Variants in DNAH1 observed in about 807,000 individuals in gnomAD.
The protein encoded by DNAH1 is axonemal beta dynein heavy chain 1.
In DNAH1, 327 loss-of-function variants were observed where a neutral mutation model predicts 484.3. The observed-to-expected ratio is 0.68, with a 90% CI of 0.62 to 0.74. DNAH1 has a LOEUF of 0.74. DNAH1 is among the 30% of genes least tolerant of loss of function. The probability of loss-of-function intolerance (pLI) is 0.00; values close to 1 mark genes in which losing one functional copy is unlikely to be tolerated. For synonymous variants in DNAH1, 2,192 were observed against 2,191.9 expected, an observed-to-expected ratio of 1.00 and a Z score of 0.00; for missense variants, 5,052 against 5,546.8, an observed-to-expected ratio of 0.91 and a Z score of 2.83.
rs1303873402 is a variant in DNAH1, at chr3:52,362,957, G to T, written c.5095-38G>T. ...GAAGCTGGGGGTGCTCTGGGGGTGA[G>T]CTCTGTTTGCTGTTCACATGTGCAC... On this transcript the variant is annotated intron_variant, in intron 31 of 77. Transcript: ENST00000420323. The surrounding 1 kb of genome is among the most constrained non-coding windows in gnomAD (Gnocchi z 5.1). The T allele has an allele frequency of 1.9e-6, 3 of 1,611,820 alleles. No homozygotes were observed. Among genetic ancestry groups the T allele is most frequent in the South Asian group, 2.2e-5 (2 of 91,048 alleles).
At chr3:52,336,375 AC>A (rs1289869395) in intron 8 of DNAH1, among the ~76,000 whole-genome samples, 3 of 151,864 alleles carry the variant, frequency 2.0e-5, no homozygotes, top group Non-Finnish European at 4.4e-5. Flanking sequence ...ACATGGTGAA[AC>A]CCCATCTCTA....
At chr3:52,316,729 G>GTTCCAGACACTTAGGTCCAA (rs1700964130) in intron 1 of DNAH1, among the ~76,000 whole-genome samples, 184 bp downstream of exon 1, 3 of 152,030 alleles carry the variant, frequency 2.0e-5, no homozygotes, top group Non-Finnish European at 4.4e-5. Flanking sequence ...ATAGGGTCCA[G>GTTCCAGACACTTAGGTCCAA]TTCAGTTCCA....
chr3:52,348,809 G>T, intron 12 of DNAH1, 79 bp from the exon 13 acceptor site: 1 of 1,510,192 alleles, frequency 6.6e-7, no homozygotes, highest in South Asian at 1.2e-5. Context: ...TGCTCCTCGG[G>T]AGGACTCCCC....
chr3:52,398,774 G>A, intron 75 of DNAH1, 76 bp from the exon 76 acceptor site: 1 of 1,268,258 alleles, frequency 7.9e-7, no homozygotes, highest in African/African-American at 1.5e-5. Context: ...TTCACTCTGT[G>A]GCCTTGAGCT....
chr3:52,371,180 G>T (rs1347311738), intron 41 of DNAH1, among the ~76,000 whole-genome samples: 1 of 152,178 alleles, frequency 6.6e-6, no homozygotes, highest in African/African-American at 2.4e-5. Flanking sequence ...CTGGGCTCCC[G>T]AGGGCTGGGG....
In DNAH1 at chr3:52,316,321, G is replaced by A. The variant is rs887441663; in HGVS notation, c.-259G>A. The A allele has an allele frequency of 2.0e-5, 3 of 152,324 alleles. No homozygotes were observed. Among genetic ancestry groups the A allele is most frequent in the South Asian group, 4.1e-4 (2 of 4,834 alleles). The allele number at this position is 152,324 out of a possible 1,614,324, so 9.4% of individuals were successfully genotyped here. A position where few individuals can be genotyped will look rare whatever the true frequency, so the allele number is the denominator to read the frequency against. ...GCAGGTGCCTCTCTACAGGCCAAGGGGGGTACCCAACCTATACGCAGACCC... is the reference window on the plus strand; with the variant it reads ...GCAGGTGCCTCTCTACAGGCCAAGGAGGGTACCCAACCTATACGCAGACCC... On this transcript the variant is annotated 5_prime_UTR_variant, in exon 1 of 78. Transcript: ENST00000420323.
chr3:52,393,345 A>C lies in DNAH1; in HGVS notation c.10486A>C (p.Lys3496Gln). Residue 3496 changes from lysine (K) to glutamine (Q), a missense_variant, in exon 66 of 78, where the codon AAG becomes CAG. Coordinates refer to ENST00000420323, the MANE Select transcript of DNAH1 (RefSeq NM_015512.5). ...ANSERADNLK[K>Q]RISNINRYLT... ...TCTCCACTCCACAGACAACCTGAAG[A>C]AGCGCATCTCCAACATCAACCGCTA... 1 of 1,613,914 alleles carries C rather than the reference A, an allele frequency of 6.2e-7. No individual in the cohort carries two copies. Among genetic ancestry groups the C allele is most frequent in the Non-Finnish European group, 8.5e-7 (1 of 1,179,856 alleles).
At chr3:52,322,234 C>A (rs1309640780) in intron 1 of DNAH1, among the ~76,000 whole-genome samples, 175 bp from the exon 2 acceptor site, 4 of 151,968 alleles carry the variant, frequency 2.6e-5, no homozygotes, top group Non-Finnish European at 5.9e-5. Flanking sequence ...TGGTGGGACT[C>A]GGGGTACTGT....
In DNAH1 at chr3:52,370,531, C is replaced by T. The variant is rs780811972; in HGVS notation, c.6313C>T (p.Pro2105Ser). The T allele has an allele frequency of 1.9e-5, 31 of 1,614,002 alleles. No individual in the cohort carries two copies. The Admixed American group carries it at 5.2e-4, about 27-fold the overall frequency. ...KLSRIVELIE[P>S]WFIFSLIWSV... ...GAGTCGCATCGTAGAGTTGATCGAG[C>T]CCTGGTTCATCTTCTCCCTGATCTG... The change falls in exon 40 of 78, where the codon CCC (proline) becomes TCC (serine). Residue 2105 changes from proline to serine, a missense_variant. Transcript: ENST00000420323.
At position 52,349,385 on chromosome 3, in the gene DNAH1, A is replaced by G; in HGVS notation, c.2491A>G (p.Ile831Val). Reference protein sequence around the residue: ...RKALATSVLDILAKNLHKEVD... With the variant: ...RKALATSVLDVLAKNLHKEVD... ...GGCCCTGGCCACTTCCGTGCTGGAC[A>G]TCCTTGCCAAGAACCTGCATAAGGA... The change falls in exon 14 of 78, where the codon ATC becomes GTC. Residue 831 changes from isoleucine (I) to valine (V), a missense_variant. This residue lies in a region of DNAH1 where 1,263 missense variants were observed against 1,218.8 expected (regional missense o/e 1.04). Transcript: ENST00000420323. The G allele has an allele frequency of 6.2e-7, 1 of 1,613,954 alleles. No homozygotes were observed. The highest frequency in any genetic ancestry group is 8.5e-7 in the Non-Finnish European group (1 of 1,179,884).
Position 52,361,951 on chromosome 3 carries a change from G to T in DNAH1, c.4980+185G>T, listed in dbSNP as rs1317857575. Among the ~76,000 whole-genome samples, 3 of 152,212 alleles carry T rather than the reference G, an allele frequency of 2.0e-5. No homozygotes were observed. The highest frequency in any genetic ancestry group is 2.9e-5 in the Non-Finnish European group (2 of 68,040). On this transcript the variant is annotated intron_variant, in intron 30 of 77. Coordinates refer to ENST00000420323, the MANE Select transcript of DNAH1 (RefSeq NM_015512.5). The surrounding 1 kb of genome is among the most constrained non-coding windows in gnomAD (Gnocchi z 5.6). Reference sequence around the variant, plus strand: ...CAGGCCAAGCTGCGGGGGATGAAGGGGTCCCCTCCTCATTACATCCTGACC... The same window carrying T: ...CAGGCCAAGCTGCGGGGGATGAAGGTGTCCCCTCCTCATTACATCCTGACC...
rs1703955740 is a variant in DNAH1, at chr3:52,383,551, A to G, written c.8107A>G (p.Thr2703Ala). 6.2e-7 allele frequency: 1 copy of G among 1,610,640 alleles called. No homozygotes were observed. The highest frequency in any genetic ancestry group is 1.7e-5 in the Admixed American group (1 of 59,528). ...PTKANLMAAY[T>A]GRVRSNIHMV... ...CAAGGCCAACCTCATGGCTGCTTAC[A>G]CAGGGCGTGTGCGCAGCAACATCCA... The change falls in exon 51 of 78, where the codon ACA becomes GCA. Residue 2703 changes from threonine (T) to alanine (A), a missense_variant. Physicochemically the swap from Thr to Ala is moderately conservative, Grantham distance 58 (BLOSUM62 0). This residue lies in a region of DNAH1 where 2,929 missense variants were observed against 3,409.4 expected (regional missense o/e 0.86). Coordinates refer to ENST00000420323, the MANE Select transcript of DNAH1 (RefSeq NM_015512.5).
At chr3:52,348,039 C>A in intron 12 of DNAH1, 65 bp downstream of exon 12, 1 of 1,509,582 alleles carries the variant, frequency 6.6e-7, no homozygotes, top group Non-Finnish European at 8.9e-7. Context: ...GCTCCCTGAG[C>A]TCAGGGTGCT....
Position 52,345,578 on chromosome 3 carries a change from A to G in DNAH1, c.1528A>G (p.Ile510Val), listed in dbSNP as rs1425420501. Residue 510 changes from isoleucine to valine, a missense_variant, in exon 10 of 78, where the codon ATC (isoleucine) becomes GTC (valine). Around this residue, in one of 4 missense-constraint regions of DNAH1, gnomAD observed 1,263 missense variants for 1,218.8 expected, o/e 1.04. Transcript: ENST00000420323. ...GTCCCTGCTCACACGGCCAGAGGTCATCACGGCCCTCAGCAAGGTGAGGGC... is the reference window on the plus strand; with the variant it reads ...GTCCCTGCTCACACGGCCAGAGGTCGTCACGGCCCTCAGCAAGGTGAGGGC... ...FVSLLTRPEVITALSKVRAEC... is the reference protein window; with the variant it reads ...FVSLLTRPEVVTALSKVRAEC... The G allele has an allele frequency of 5.6e-6, 9 of 1,601,712 alleles. No homozygotes were observed. The highest frequency in any genetic ancestry group is 7.7e-6 in the Non-Finnish European group (9 of 1,173,972).
intron 6 of DNAH1, 125 bp from the exon 7 acceptor site, chr3:52,331,012 GAGGGGGGCATC>G: frequency 1.8e-5 from 20 of 1,125,360 alleles, no homozygotes; most frequent in Non-Finnish European, 2.5e-5. Flanking sequence ...TGCTGGAGCA[GAGGGGGGCATC>G]CCAGCGGGAG....
In DNAH1 at chr3:52,362,873, C is replaced by T; in HGVS notation, c.5095-122C>T. On this transcript the variant is annotated intron_variant, in intron 31 of 77. Coordinates refer to ENST00000420323, the MANE Select transcript of DNAH1 (RefSeq NM_015512.5). This position sits in a 1 kb window ranked among gnomAD's most constrained non-coding sequence, Gnocchi z 5.1. ...ACCAGTCTCAGGGGAGTGAAAGCCT[C>T]AGCTGTGGCAGGCTTGGTGCAGCAG... The T allele has an allele frequency of 7.2e-7, 1 of 1,382,166 alleles. No homozygotes were observed. The highest frequency in any genetic ancestry group is 1.0e-6 in the Non-Finnish European group (1 of 995,916). 85.6% of individuals were successfully genotyped at this position (1,382,166 alleles called of 1,614,324 possible). A position where few individuals can be genotyped will look rare whatever the true frequency, so the allele number is the denominator to read the frequency against.
At chr3:52,318,491 A>G (rs1035175122) in intron 1 of DNAH1, among the ~76,000 whole-genome samples, 1 of 152,198 alleles carries the variant, frequency 6.6e-6, no homozygotes, top group Non-Finnish European at 1.5e-5. Context: ...ACAGAGGTCA[A>G]CTTCATTCCT....
At chr3:52,369,405 G>T (rs1401736584) in intron 37 of DNAH1, among the ~76,000 whole-genome samples, 1 of 151,964 alleles carries the variant, frequency 6.6e-6, no homozygotes, top group Non-Finnish European at 1.5e-5. Context: ...TATGGCCTGG[G>T]CACAAGAGCA....
chr3:52,386,981 C>G, intron 56 of DNAH1, 128 bp downstream of exon 56: 1 of 981,902 alleles, frequency 1.0e-6, no homozygotes, highest in East Asian at 2.7e-5. Context: ...TCCTGTCTCT[C>G]TCTGTCCACC....
Sources: gnomAD v4.1 joint callset for allele counts (sites outside exome capture counted in the v4.1 genomes callset) on GRCh38, gnomAD v4.1.1 for gene constraint, gnomAD v4.1.1 regional missense constraint, Gnocchi (gnomAD v3.1) non-coding constraint, MANE v1.5 for transcripts, NCBI Gene and HGNC (gene_info 2026-07-23, HGNC 2026-07-21) for gene names.